MEGF11: variants seen among roughly 807,000 people sequenced by gnomAD.
The protein encoded by MEGF11 is multiple EGF like domains 11.
Under a neutral mutation model 146.6 loss-of-function variants are expected in MEGF11, and 126 were observed. That is an observed-to-expected ratio of 0.86 (90% confidence interval 0.74 to 1.00). The LOEUF is 1.00. Ranked by LOEUF, MEGF11 falls within the 50% of genes least tolerant of loss-of-function variation. The pLI is 0.00. For synonymous variants in MEGF11, 532 were observed against 583.4 expected, an observed-to-expected ratio of 0.91 and a Z score of 1.27; for missense variants, 1,509 against 1,521.2, an observed-to-expected ratio of 0.99 and a Z score of 0.13.
At chr15:66,192,152 T>G (rs962037042) in intron 1 of MEGF11, among the ~76,000 whole-genome samples, 2 of 151,538 alleles carry the variant, frequency 1.3e-5, no homozygotes, top group Admixed American at 1.3e-4. Flanking sequence ...GAGGGCTTAC[T>G]CTGAACAAGG....
rs2079452768 is a variant in MEGF11 at position 65,928,468 on chromosome 15, A to G, written c.1632T>C (p.Cys544=). 1 of 1,605,096 alleles carries G rather than the reference A, an allele frequency of 6.2e-7. No homozygotes were observed. Among genetic ancestry groups the G allele is most frequent in the Non-Finnish European group, 8.5e-7 (1 of 1,174,750 alleles). The change falls in exon 13 of 26, where the codon TGT becomes TGC. Residue 544 remains cysteine, a synonymous_variant. Transcript: ENST00000395614. ...EHCDCSHADG[C]DPVTGHCCCL... Reference sequence around the variant, plus strand: ...AGCAGCAGTGGCCTGTGACGGGGTCACATCCATCAGCATGGCTGCAGTCAC... The same window carrying G: ...AGCAGCAGTGGCCTGTGACGGGGTCGCATCCATCAGCATGGCTGCAGTCAC...
intron 5 of MEGF11, among the ~76,000 whole-genome samples, chr15:66,021,340 T>C (rs997176541): frequency 6.6e-6 from 1 of 152,226 alleles, no homozygotes; most frequent in African/African-American, 2.4e-5. Context: ...GGTTGGACAA[T>C]GTGAATTCAA....
intron 1 of MEGF11, among the ~76,000 whole-genome samples, chr15:66,154,460 G>A (rs1012375872): frequency 3.9e-5 from 6 of 152,028 alleles, no homozygotes; most frequent in African/African-American, 1.2e-4. Flanking sequence ...AAAACCCGGG[G>A]GCTCAAATAC....
chr15:66,198,360 G>A (rs1025782493), intron 1 of MEGF11, among the ~76,000 whole-genome samples: 4 of 152,144 alleles, frequency 2.6e-5, no homozygotes, highest in South Asian at 2.1e-4. Flanking sequence ...TTCTCTGATC[G>A]CGCACAAACC....
At chr15:65,934,298 C>G (rs1014668084) in intron 10 of MEGF11, among the ~76,000 whole-genome samples, 6 of 152,212 alleles carry the variant, frequency 3.9e-5, no homozygotes, top group African/African-American at 1.2e-4. Flanking sequence ...GTTGCCCAGG[C>G]TGGAGTGCAG....
At chr15:66,212,784 T>G (rs556188473) in intron 1 of MEGF11, among the ~76,000 whole-genome samples, 1 of 12,984 alleles carries the variant, frequency 7.7e-5, no homozygotes, top group Non-Finnish European at 1.4e-4. Flanking sequence ...AGGGACTTCC[T>G]GCCAGGGACT....
rs112151759 is a variant in MEGF11 at position 66,238,534 on chromosome 15, G to A, written c.-9+15071C>T. Among the ~76,000 whole-genome samples the A allele has an allele frequency of 3.4e-3, 517 of 152,312 alleles. 1 individual carries two copies. The highest frequency in any genetic ancestry group is 6.4e-3 in the Admixed American group (98 of 15,298). On this transcript the variant is annotated intron_variant, in intron 1 of 25. Coordinates refer to ENST00000395614, the MANE Select transcript of MEGF11 (RefSeq NM_001385028.1). ...GCACCGCCTGGAGGCAGTAGAGATG[G>A]ACTCCTACCTCAGCAGTGGTGACAA...
chr15:66,020,991 C>CAAAAAAAAAAAAAAAA (rs35364286), intron 5 of MEGF11, among the ~76,000 whole-genome samples: 2 of 70,786 alleles, frequency 2.8e-5, no homozygotes, highest in African/African-American at 1.1e-4. Context: ...AACTCCATCT[C>CAAAAAAAAAAAAAAAA]AAAAAAAAAA....
chr15:66,142,568 G>A (rs975249562), intron 1 of MEGF11, among the ~76,000 whole-genome samples: 12 of 152,232 alleles, frequency 7.9e-5, no homozygotes, highest in African/African-American at 2.4e-4. Context: ...TGAGTGAGCC[G>A]GCACGACCGC....
intron 23 of MEGF11, among the ~76,000 whole-genome samples, chr15:65,906,835 T>C (rs576621235): frequency 6.6e-6 from 1 of 152,350 alleles, no homozygotes; most frequent in Non-Finnish European, 1.5e-5. Context: ...TGAAAAGTAT[T>C]ACCAGTGTTT....
chr15:66,178,039 A>G (rs1228388991), intron 1 of MEGF11, among the ~76,000 whole-genome samples: 1 of 151,992 alleles, frequency 6.6e-6, no homozygotes, highest in East Asian at 1.9e-4. Context: ...GCTAGAGTGC[A>G]GTGGCACTAT....
At chr15:66,253,090 C>A (rs901662841) in intron 1 of MEGF11, among the ~76,000 whole-genome samples, 14 of 152,352 alleles carry the variant, frequency 9.2e-5, no homozygotes, top group Admixed American at 9.1e-4. Context: ...TTAGCGGCCG[C>A]GGGGCGCATC....
chr15:66,141,236 GTGTGTGTGTGT>G (rs2089136413), intron 1 of MEGF11, among the ~76,000 whole-genome samples: 77 of 58,360 alleles, frequency 1.3e-3, no homozygotes, highest in South Asian at 3.4e-3. Context: ...ACTCAGGGGT[GTGTGTGTGTGT>G]GTGTGTGTGT....
At chr15:66,247,735 C>A (rs1209743729) in intron 1 of MEGF11, among the ~76,000 whole-genome samples, 2 of 151,948 alleles carry the variant, frequency 1.3e-5, no homozygotes, top group African/African-American at 4.8e-5. Flanking sequence ...AAGGAGAGCC[C>A]TTTAAAAAAA....
intron 4 of MEGF11, 23 bp from the exon 5 acceptor site, chr15:66,094,517 A>G (rs1346706659): frequency 6.5e-7 from 1 of 1,543,352 alleles, no homozygotes; most frequent in Non-Finnish European, 8.8e-7. Flanking sequence ...GGGGAGAGGG[A>G]GGAAGAACCA....
intron 5 of MEGF11, among the ~76,000 whole-genome samples, chr15:66,067,937 G>GA (rs2085203334): frequency 6.6e-6 from 1 of 152,212 alleles, no homozygotes; most frequent in South Asian, 2.1e-4. Flanking sequence ...TTAGGAGCAT[G>GA]GGTTCTGGAG....
intron 4 of MEGF11, among the ~76,000 whole-genome samples, chr15:66,098,681 C>A (rs2086653816): frequency 6.6e-6 from 1 of 152,132 alleles, no homozygotes; most frequent in Non-Finnish European, 1.5e-5. Flanking sequence ...GCATTCTTGG[C>A]AAGAGGTCTC....
At chr15:65,999,915 C>A (rs1010035746) in intron 5 of MEGF11, among the ~76,000 whole-genome samples, 1 of 152,192 alleles carries the variant, frequency 6.6e-6, no homozygotes, top group African/African-American at 2.4e-5. Flanking sequence ...TTGGTTTGGG[C>A]TTCCCCAGAA....
At chr15:66,211,687 C>T (rs1246158765) in intron 1 of MEGF11, among the ~76,000 whole-genome samples, 6 of 151,606 alleles carry the variant, frequency 4.0e-5, no homozygotes, top group Non-Finnish European at 8.8e-5. Context: ...TTGGTCGGTG[C>T]TATGATGTGC....
Sources: allele counts gnomAD v4.1 joint callset (sites outside exome capture counted in the v4.1 genomes callset), GRCh38; gene constraint gnomAD v4.1.1; transcripts MANE v1.5; gene names NCBI Gene and HGNC (gene_info 2026-07-23, HGNC 2026-07-21).